Variants in AUTS2 observed in about 807,000 individuals in gnomAD.
The protein encoded by AUTS2 is activator of transcription and developmental regulator AUTS2.
AUTS2 carries 17 observed loss-of-function variants against 112.4 expected under a neutral mutation model. That is an observed-to-expected ratio of 0.15 (90% confidence interval 0.10 to 0.23). The LOEUF is 0.23. AUTS2 is among the 10% of genes least tolerant of loss of function. The probability of loss-of-function intolerance (pLI) is 1.00; values close to 1 mark genes in which losing one functional copy is unlikely to be tolerated. For missense variants in AUTS2, 1,510 were observed against 1,701.6 expected, an observed-to-expected ratio of 0.89 and a Z score of 1.98; for synonymous variants, 751 against 702.7, an observed-to-expected ratio of 1.07 and a Z score of -1.09.
chr7:70,140,218 G>A (rs1349226494), intron 4 of AUTS2, among the ~76,000 whole-genome samples: 3 of 152,084 alleles, frequency 2.0e-5, no homozygotes, highest in East Asian at 1.9e-4. Flanking sequence ...AGATCATGTT[G>A]TGTGCTTCAA....
intron 2 of AUTS2, among the ~76,000 whole-genome samples, chr7:69,960,183 A>C (rs780113065): frequency 1.3e-5 from 2 of 152,134 alleles, no homozygotes; most frequent in Non-Finnish European, 2.9e-5. Flanking sequence ...TTTCAGGTCT[A>C]TTTTCCCTCT....
At chr7:69,982,866 G>T (rs1324856261) in intron 2 of AUTS2, among the ~76,000 whole-genome samples, 2 of 152,184 alleles carry the variant, frequency 1.3e-5, no homozygotes, top group African/African-American at 4.8e-5. Flanking sequence ...CTGCCATTCA[G>T]CAAGAAATAA....
intron 6 of AUTS2, among the ~76,000 whole-genome samples, chr7:70,761,080 A>G (rs569889580): frequency 1.3e-5 from 2 of 152,372 alleles, no homozygotes; most frequent in South Asian, 4.1e-4. Flanking sequence ...CATTGAAAAT[A>G]ATGAATTGCT....
At chr7:70,053,693 C>T (rs1397591089) in intron 2 of AUTS2, among the ~76,000 whole-genome samples, 2 of 152,050 alleles carry the variant, frequency 1.3e-5, no homozygotes, top group South Asian at 2.1e-4. Context: ...GCATGCACCA[C>T]CACAGTCAGC....
intron 6 of AUTS2, among the ~76,000 whole-genome samples, chr7:70,754,475 T>G (rs1789063975): frequency 6.6e-6 from 1 of 152,108 alleles, no homozygotes; most frequent in South Asian, 2.1e-4. Flanking sequence ...GGCAACAGAG[T>G]GAGACTGTGT....
intron 2 of AUTS2, among the ~76,000 whole-genome samples, chr7:69,965,446 A>G (rs1797600051): frequency 6.6e-6 from 1 of 152,130 alleles, no homozygotes; most frequent in Non-Finnish European, 1.5e-5. Context: ...TCAGAGGGAG[A>G]TGCACAGAAG....
At chr7:70,203,365 A>AGTT (rs1810401281) in intron 4 of AUTS2, among the ~76,000 whole-genome samples, 2 of 146,938 alleles carry the variant, frequency 1.4e-5, no homozygotes, top group Admixed American at 6.9e-5. Flanking sequence ...AAAAAAAAGA[A>AGTT]GTTTACGGAT....
At chr7:70,049,385 A>G (rs1248713748) in intron 2 of AUTS2, among the ~76,000 whole-genome samples, 28 of 151,704 alleles carry the variant, frequency 1.8e-4, no homozygotes, top group Admixed American at 1.8e-3. Flanking sequence ...GCTGGAGTGC[A>G]GTGGCATGAT....
rs1314594202 is a variant in AUTS2 at position 70,163,357 on chromosome 7, G to T, written c.660+28786G>T. On this transcript the variant is annotated intron_variant, in intron 4 of 18. Coordinates refer to ENST00000342771, the MANE Select transcript of AUTS2 (RefSeq NM_015570.4). ...AGGTTGTGGTGGTGGGGGGGGGGGG[G>T]GCAGAGGGGGAGGGAGAAGGAGAGG... Among the ~76,000 whole-genome samples, 27 of 67,580 alleles carry T rather than the reference G, an allele frequency of 4.0e-4. 2 individuals carry two copies. Among genetic ancestry groups the T allele is most frequent in the Admixed American group, 1.5e-3 (10 of 6,776 alleles). The allele number at this position is 67,580 out of a possible 152,430, so 44.3% of individuals were successfully genotyped here.
At chr7:70,705,483 C>G (rs1809688230) in intron 6 of AUTS2, among the ~76,000 whole-genome samples, 1 of 152,178 alleles carries the variant, frequency 6.6e-6, no homozygotes, top group Non-Finnish European at 1.5e-5. Flanking sequence ...TAGCCCGGAG[C>G]TAACATCAAA....
chr7:70,111,685 T>C (rs911998758), intron 2 of AUTS2, among the ~76,000 whole-genome samples: 4 of 152,168 alleles, frequency 2.6e-5, no homozygotes, highest in Admixed American at 2.0e-4. Flanking sequence ...TCCTGTAGTT[T>C]CATTTTTTGT....
intron 2 of AUTS2, among the ~76,000 whole-genome samples, chr7:70,088,373 C>T (rs1254497457): frequency 5.9e-5 from 9 of 151,966 alleles, no homozygotes; most frequent in African/African-American, 1.7e-4. Flanking sequence ...GTGATCTTCC[C>T]GCCTCAGCCT....
chr7:69,675,798 T>G (rs1259636550), intron 1 of AUTS2, among the ~76,000 whole-genome samples: 1 of 152,118 alleles, frequency 6.6e-6, no homozygotes, highest in Non-Finnish European at 1.5e-5. Context: ...TGAGCCACTG[T>G]GTCCGGCCTT....
At chr7:69,755,272 G>A (rs1025182726) in intron 1 of AUTS2, among the ~76,000 whole-genome samples, 1 of 152,208 alleles carries the variant, frequency 6.6e-6, no homozygotes, top group Admixed American at 6.5e-5. Flanking sequence ...TGCAAGGCAA[G>A]TGCCTGAGGC....
chr7:70,030,506 G>A (rs147896909), intron 2 of AUTS2, among the ~76,000 whole-genome samples: 1 of 152,086 alleles, frequency 6.6e-6, no homozygotes, highest in South Asian at 2.1e-4. Context: ...ACTCATTTTG[G>A]TATTCTCAGA....
intron 1 of AUTS2, among the ~76,000 whole-genome samples, chr7:69,854,419 T>G (rs992044541): frequency 1.1e-4 from 16 of 152,172 alleles, no homozygotes; most frequent in African/African-American, 3.6e-4. Flanking sequence ...ACCTGAATTC[T>G]TTAGAGCTTT....
chr7:69,766,267 A>G (rs1363315807), intron 1 of AUTS2, among the ~76,000 whole-genome samples: 3 of 152,226 alleles, frequency 2.0e-5, no homozygotes, highest in Non-Finnish European at 4.4e-5. Context: ...ATGTTGTAGT[A>G]TGTATGTATC....
chr7:70,517,349 G>A (rs1376104862), intron 5 of AUTS2, among the ~76,000 whole-genome samples: 1 of 151,932 alleles, frequency 6.6e-6, no homozygotes, highest in East Asian at 1.9e-4. Context: ...TGGGTTTGGT[G>A]GTATCAGATA....
intron 1 of AUTS2, among the ~76,000 whole-genome samples, chr7:69,828,518 T>C (rs1331629178): frequency 1.3e-5 from 2 of 152,330 alleles, no homozygotes; most frequent in East Asian, 3.9e-4. Flanking sequence ...CTTCTTGTTA[T>C]GTGTGAGAAA....
Sources: allele counts gnomAD v4.1 joint callset (sites outside exome capture counted in the v4.1 genomes callset), GRCh38; gene constraint gnomAD v4.1.1; transcripts MANE v1.5; gene names NCBI Gene and HGNC (gene_info 2026-07-23, HGNC 2026-07-21).